DLGAP1: variants seen among roughly 807,000 people sequenced by gnomAD.
The protein encoded by DLGAP1 is DLG associated protein 1.
DLGAP1 carries 11 observed loss-of-function variants against 90.8 expected under a neutral mutation model. The ratio of observed to expected loss-of-function variants is 0.12; its 90% CI spans 0.08 to 0.20. DLGAP1 has a LOEUF of 0.20. Among genes scored for constraint, DLGAP1 ranks in the 10% least tolerant of loss-of-function variants. The pLI, the probability that DLGAP1 is intolerant of heterozygous loss-of-function variation, is 1.00. For missense variants in DLGAP1, 1,050 were observed against 1,333.8 expected (o/e 0.79, Z 3.31); for synonymous variants, 558 against 540.7 (o/e 1.03, Z -0.44).
chr18:3,761,729 C>T (rs1451033606), intron 5 of DLGAP1, among the ~76,000 whole-genome samples: 1 of 152,122 alleles, frequency 6.6e-6, no homozygotes, highest in African/African-American at 2.4e-5. Flanking sequence ...GCATGTGCCA[C>T]CACGTCGGGC....
intron 1 of DLGAP1, among the ~76,000 whole-genome samples, chr18:4,410,553 G>T (rs976359287): frequency 1.3e-5 from 2 of 151,986 alleles, no homozygotes; most frequent in African/African-American, 4.8e-5. Flanking sequence ...ATATATAACA[G>T]AACTCTCATA....
chr18:4,250,834 A>G (rs1439274902), intron 1 of DLGAP1, among the ~76,000 whole-genome samples: 1 of 152,202 alleles, frequency 6.6e-6, no homozygotes, highest in East Asian at 1.9e-4. Flanking sequence ...GCAGACCTAC[A>G]TGAAGCTGAA....
rs140721310 is a variant in DLGAP1, at chr18:4,284,988, A to C, written c.-266-133701T>G. On this transcript the variant is annotated intron_variant, in intron 1 of 12. Transcript: ENST00000315677. The stretch of plus-strand genomic sequence containing the variant: ...AAAGCAAATGCTCCTGAAAGCTTGC[A>C]CTAGGAAAGATAAAGGGAGGATGTT... Among the ~76,000 whole-genome samples the C allele has an allele frequency of 4.3e-4, 65 of 152,326 alleles. 1 individual carries two copies. The East Asian group carries it at 0.012, about 28-fold the overall frequency.
At chr18:3,757,967 T>G (rs933896274) in intron 5 of DLGAP1, among the ~76,000 whole-genome samples, 2 of 151,918 alleles carry the variant, frequency 1.3e-5, no homozygotes, top group South Asian at 2.1e-4. Flanking sequence ...TACAAAAAAA[T>G]TAGCCAGGTT....
At chr18:3,683,558 A>C (rs914962781) in intron 7 of DLGAP1, among the ~76,000 whole-genome samples, 4 of 152,212 alleles carry the variant, frequency 2.6e-5, no homozygotes, top group African/African-American at 9.6e-5. Flanking sequence ...CTAAAAACCA[A>C]GGATGAAATA....
Position 3,526,017 on chromosome 18 carries a change from C to T in DLGAP1, c.2479+8177G>A, listed in dbSNP as rs755242660. On this transcript the variant is annotated intron_variant, in intron 10 of 12. Coordinates refer to ENST00000315677, the MANE Select transcript of DLGAP1 (RefSeq NM_004746.4). The surrounding 1 kb of genome is among the most constrained non-coding windows in gnomAD (Gnocchi z 4.7). ...CATTCTCAAGGTTAAACATATGGCA[C>T]ATTACAGCCGATTTCCTTTTCATTA... 2.4e-4 allele frequency among the ~76,000 whole-genome samples: 37 copies of T among 152,210 alleles called. No homozygotes were observed. Among genetic ancestry groups the T allele is most frequent in the Non-Finnish European group, 4.8e-4 (33 of 68,048 alleles).
Position 4,087,028 on chromosome 18 carries a change from G to GAGATAT in DLGAP1, c.-159+64151_-159+64152insATATCT, listed in dbSNP as rs1555737154. ...TAGTTCTGAAGTCTACCTTGTCTGA[G>GAGATAT]ATATATATATATACACAAACACATA... On this transcript the variant is annotated intron_variant, in intron 2 of 12. Transcript: ENST00000315677. Among the ~76,000 whole-genome samples, 22 of 121,938 alleles carry GAGATAT rather than the reference G, an allele frequency of 1.8e-4. 5 individuals carry two copies. Among genetic ancestry groups the GAGATAT allele is most frequent in the African/African-American group, 5.9e-4 (19 of 32,138 alleles). 80.0% of individuals were successfully genotyped at this position (121,938 alleles called of 152,430 possible). A position where few individuals can be genotyped will look rare whatever the true frequency, so the allele number is the denominator to read the frequency against.
At chr18:4,107,850 T>G (rs1025443093) in intron 2 of DLGAP1, among the ~76,000 whole-genome samples, 2 of 152,252 alleles carry the variant, frequency 1.3e-5, no homozygotes, top group African/African-American at 4.8e-5. Context: ...TTTGTGTGTC[T>G]GATTTTCTTT....
At chr18:3,992,137 C>T (rs945990216) in intron 3 of DLGAP1, among the ~76,000 whole-genome samples, 53 of 152,282 alleles carry the variant, frequency 3.5e-4, no homozygotes, top group African/African-American at 1.2e-3. Context: ...TAAAAATCTC[C>T]TACTTAGTTT....
At chr18:3,812,125 C>T (rs2066874794) in intron 5 of DLGAP1, among the ~76,000 whole-genome samples, 1 of 152,150 alleles carries the variant, frequency 6.6e-6, no homozygotes, top group Non-Finnish European at 1.5e-5. Context: ...CATTGCAATC[C>T]TTTTCTTGCA....
intron 7 of DLGAP1, among the ~76,000 whole-genome samples, chr18:3,692,008 A>T (rs1256619397): frequency 6.6e-6 from 1 of 152,230 alleles, no homozygotes; most frequent in Non-Finnish European, 1.5e-5. Context: ...AAAATCTTGA[A>T]TCCACGTAAT....
At chr18:4,391,523 C>T (rs931343083) in intron 1 of DLGAP1, among the ~76,000 whole-genome samples, 2 of 152,118 alleles carry the variant, frequency 1.3e-5, no homozygotes, top group Admixed American at 6.5e-5. Flanking sequence ...TGGCTGACAC[C>T]TATTTTCGGT....
intron 1 of DLGAP1, among the ~76,000 whole-genome samples, chr18:4,337,556 A>G (rs2081097543): frequency 6.6e-6 from 1 of 152,184 alleles, no homozygotes; most frequent in African/African-American, 2.4e-5. Context: ...GAATTTACAA[A>G]TGTATGACAT....
intron 7 of DLGAP1, among the ~76,000 whole-genome samples, chr18:3,645,610 A>C (rs1353012334): frequency 6.6e-6 from 1 of 152,052 alleles, no homozygotes; most frequent in Non-Finnish European, 1.5e-5. Flanking sequence ...CAAAACCTAG[A>C]CATGTGCACT....
At chr18:3,859,985 G>A (rs1247929879) in intron 4 of DLGAP1, among the ~76,000 whole-genome samples, 2 of 151,996 alleles carry the variant, frequency 1.3e-5, no homozygotes, top group Non-Finnish European at 2.9e-5. Flanking sequence ...TGTAGTCCCA[G>A]CTACTCGGGA....
At chr18:4,057,824 T>C (rs1276076666) in intron 2 of DLGAP1, among the ~76,000 whole-genome samples, 4 of 152,220 alleles carry the variant, frequency 2.6e-5, no homozygotes, top group Non-Finnish European at 4.4e-5. Context: ...AAGACACCTC[T>C]ATGACTTGCC....
intron 1 of DLGAP1, among the ~76,000 whole-genome samples, chr18:4,444,727 T>C (rs2083618903): frequency 6.6e-6 from 1 of 152,228 alleles, no homozygotes; most frequent in South Asian, 2.1e-4. Context: ...AAAAAGATGG[T>C]TGGCAGATCG....
intron 1 of DLGAP1, among the ~76,000 whole-genome samples, chr18:4,309,025 T>C (rs796631333): frequency 1.5e-4 from 23 of 152,304 alleles, no homozygotes; most frequent in African/African-American, 5.5e-4. Flanking sequence ...TTTGATGCAG[T>C]ATAAAATAAA....
At chr18:3,707,668 A>G (rs963595050) in intron 7 of DLGAP1, among the ~76,000 whole-genome samples, 3 of 151,752 alleles carry the variant, frequency 2.0e-5, no homozygotes, top group Non-Finnish European at 4.4e-5. Flanking sequence ...CATTGCGCTT[A>G]GAATACTACA....
Sources: gnomAD v4.1 joint callset for allele counts (sites outside exome capture counted in the v4.1 genomes callset) on GRCh38, gnomAD v4.1.1 for gene constraint, Gnocchi (gnomAD v3.1) non-coding constraint, MANE v1.5 for transcripts, NCBI Gene and HGNC (gene_info 2026-07-23, HGNC 2026-07-21) for gene names.